Variants in ARNT2 observed in about 807,000 individuals in gnomAD.
ARNT2 encodes ARNT protein 2.
In ARNT2, 36 loss-of-function variants were observed where a neutral mutation model predicts 91.7. That is an observed-to-expected ratio of 0.39 (90% CI 0.30 to 0.52). ARNT2 has a LOEUF of 0.52. Among genes scored for constraint, ARNT2 ranks in the 20% least tolerant of loss-of-function variants. The pLI, the probability that ARNT2 is intolerant of heterozygous loss-of-function variation, is 0.72. For synonymous variants in ARNT2, 365 were observed against 347.1 expected, an observed-to-expected ratio of 1.05 and a Z score of -0.57; for missense variants, 775 against 939.3, an observed-to-expected ratio of 0.83 and a Z score of 2.29.
chr15:80,500,369 T>G (rs1049716177), intron 5 of ARNT2, among the ~76,000 whole-genome samples: 3 of 152,260 alleles, frequency 2.0e-5, no homozygotes, highest in African/African-American at 7.2e-5. Context: ...TTTTTGTTCC[T>G]AATTATTTTC....
chr15:80,591,262 A>G lies in ARNT2; in HGVS notation c.1919-306A>G, dbSNP rs564655017. Among the ~76,000 whole-genome samples the G allele has an allele frequency of 6.6e-6, 1 of 152,298 alleles. No individual in the cohort carries two copies. Among genetic ancestry groups the G allele is most frequent in the East Asian group, 1.9e-4 (1 of 5,184 alleles). ...ATGCCCGCAGGAGGCCTTTGTGCAC[A>G]GTCACCAAGTGCAAGGAGCACTCCA... is the stretch of plus-strand genomic sequence containing the variant. On this transcript the variant is annotated intron_variant, in intron 17 of 18. Transcript: ENST00000303329. The surrounding 1 kb of genome is among the most constrained non-coding windows in gnomAD (Gnocchi z 5.1).
chr15:80,427,135 T>G (rs939589649), intron 1 of ARNT2, among the ~76,000 whole-genome samples: 2 of 152,120 alleles, frequency 1.3e-5, no homozygotes, highest in Non-Finnish European at 2.9e-5. Context: ...GATGATATCG[T>G]AGTGACCCGT....
Position 80,404,485 on chromosome 15 carries a change from G to A in ARNT2, c.-31G>A, listed in dbSNP as rs1307009040. 4.9e-6 allele frequency: 6 copies of A among 1,226,232 alleles called. No individual in the cohort carries two copies. The South Asian group carries it at 8.0e-5, about 16-fold the overall frequency. 76.0% of individuals were successfully genotyped at this position (1,226,232 alleles called of 1,614,324 possible). ...TCCGCGCCGCCCCTCCCGCGCCCCT[G>A]CCAAGCGGGCGCCTATCCTCTCCGA... On this transcript the variant is annotated 5_prime_UTR_variant, in exon 1 of 19. Coordinates refer to ENST00000303329, the MANE Select transcript of ARNT2 (RefSeq NM_014862.4). The surrounding 1 kb of genome is among the most constrained non-coding windows in gnomAD (Gnocchi z 5.5).
chr15:80,497,439 C>T (rs1275113482), intron 5 of ARNT2, among the ~76,000 whole-genome samples: 1 of 152,246 alleles, frequency 6.6e-6, no homozygotes, highest in Non-Finnish European at 1.5e-5. Flanking sequence ...GGCATGGGCA[C>T]CTGACCTGAC....
intron 1 of ARNT2, among the ~76,000 whole-genome samples, chr15:80,418,472 T>C (rs1441837139): frequency 6.6e-6 from 1 of 152,226 alleles, no homozygotes; most frequent in Non-Finnish European, 1.5e-5. Flanking sequence ...ACCATTCTTC[T>C]GTCCTGACTT....
At chr15:80,513,598 G>T (rs1897377520) in intron 6 of ARNT2, among the ~76,000 whole-genome samples, 1 of 151,962 alleles carries the variant, frequency 6.6e-6, no homozygotes, top group South Asian at 2.1e-4. Flanking sequence ...GAAATGATCT[G>T]CAGGACTGAG....
rs58884875 is a variant in ARNT2 at position 80,476,265 on chromosome 15, AAC to A, written c.622+1047_622+1048del. On this transcript the variant is annotated intron_variant, in intron 5 of 18. Transcript: ENST00000303329. ...CCAAATGTGGATGAGTGTGGCTAAT[AAC>A]ACACCGTGGGCCGAGAGAGCTGACT... Among the ~76,000 whole-genome samples the A allele has an allele frequency of 7.2e-3, 1,097 of 152,254 alleles. 16 individuals carry two copies. The highest frequency in any genetic ancestry group is 0.025 in the African/African-American group (1,052 of 41,542).
chr15:80,565,261 C>A lies in ARNT2; in HGVS notation c.1316+2022C>A, dbSNP rs138803901. The stretch of plus-strand genomic sequence containing the variant: ...TATTCAGCCCACCGTTGATGGGCAC[C>A]TGGATTTGTTCCTTGTCTTTCCTAT... On this transcript the variant is annotated intron_variant, in intron 12 of 18. Transcript: ENST00000303329. 1.2e-3 allele frequency among the ~76,000 whole-genome samples: 183 copies of A among 152,292 alleles called. 1 individual carries two copies. The highest frequency in any genetic ancestry group is 4.3e-3 in the African/African-American group (180 of 41,562).
chr15:80,462,947 A>G (rs1052261442), intron 3 of ARNT2, among the ~76,000 whole-genome samples: 2 of 152,006 alleles, frequency 1.3e-5, no homozygotes, highest in Non-Finnish European at 2.9e-5. Flanking sequence ...CCCTGGCTTT[A>G]TAGGTTGTGG....
At chr15:80,412,945 A>C (rs559712919) in intron 1 of ARNT2, among the ~76,000 whole-genome samples, 1 of 152,148 alleles carries the variant, frequency 6.6e-6, no homozygotes, top group South Asian at 2.1e-4. Context: ...TGTGCCCCCT[A>C]TCCTTGGCAG....
chr15:80,512,068 C>T (rs1476351686), intron 6 of ARNT2, among the ~76,000 whole-genome samples: 3 of 152,100 alleles, frequency 2.0e-5, no homozygotes, highest in African/African-American at 4.8e-5. Flanking sequence ...GCGTCCGTTG[C>T]GTACTATGAA....
rs1006896350 is a variant in ARNT2, at chr15:80,467,553, T to C, written c.195-2665T>C. On this transcript the variant is annotated intron_variant, in intron 3 of 18. Coordinates refer to ENST00000303329, the MANE Select transcript of ARNT2 (RefSeq NM_014862.4). ...GGAGGAAAGCCGGTTCTCCAGGGTG[T>C]CTGGCGGGCAAGTGCGGGGCGGTGG... 9.9e-5 allele frequency among the ~76,000 whole-genome samples: 15 copies of C among 152,274 alleles called. 4 individuals are homozygous for C.
chr15:80,475,559 C>CAA (rs35720455), intron 5 of ARNT2: 26 of 91,226 alleles, frequency 2.9e-4, no homozygotes, highest in African/African-American at 3.9e-4. Context: ...GACTCTGTCT[C>CAA]AAAAAAAAAA....
chr15:80,404,496 G>A lies in ARNT2; in HGVS notation c.-20G>A, dbSNP rs771137910. ...CCTCCCGCGCCCCTGCCAAGCGGGC[G>A]CCTATCCTCTCCGAGCAAGATGGCA... On this transcript the variant is annotated 5_prime_UTR_variant, in exon 1 of 19. Coordinates refer to ENST00000303329, the MANE Select transcript of ARNT2 (RefSeq NM_014862.4). This position sits in a 1 kb window ranked among gnomAD's most constrained non-coding sequence, Gnocchi z 5.5. 3 of 1,237,542 alleles carry A rather than the reference G, an allele frequency of 2.4e-6. No individual in the cohort carries two copies. Among genetic ancestry groups the A allele is most frequent in the African/African-American group, 1.6e-5 (1 of 62,112 alleles). The allele number at this position is 1,237,542 out of a possible 1,614,324, so 76.7% of individuals were successfully genotyped here.
chr15:80,516,277 G>A (rs576606368), intron 8 of ARNT2, among the ~76,000 whole-genome samples: 14 of 152,310 alleles, frequency 9.2e-5, no homozygotes, highest in Admixed American at 9.1e-4. Context: ...AGCAATTACT[G>A]AAGGAGAAAT....
chr15:80,419,560 C>T (rs2141560331), intron 1 of ARNT2, among the ~76,000 whole-genome samples: 1 of 152,272 alleles, frequency 6.6e-6, no homozygotes, highest in South Asian at 2.1e-4. Context: ...AGAAATGAAC[C>T]AGAGGTGTTA....
At chr15:80,470,511 C>A in intron 4 of ARNT2, 80 bp downstream of exon 4, 3 of 1,477,956 alleles carry the variant, frequency 2.0e-6, no homozygotes, top group Non-Finnish European at 1.9e-6. Context: ...CGTGGGGAAC[C>A]AGGGCTCAAG....
intron 5 of ARNT2, among the ~76,000 whole-genome samples, chr15:80,478,449 A>G (rs1896839328): frequency 1.3e-5 from 2 of 152,226 alleles, no homozygotes. Context: ...CGGAGTGGAC[A>G]CTGGACTGTG....
intron 3 of ARNT2, among the ~76,000 whole-genome samples, chr15:80,462,724 G>T (rs748153588): frequency 2.6e-5 from 4 of 152,188 alleles, no homozygotes; most frequent in Non-Finnish European, 4.4e-5. Context: ...CCCATTGGCT[G>T]CTCTTTGGTG....
Sources: allele counts gnomAD v4.1 joint callset (sites outside exome capture counted in the v4.1 genomes callset), GRCh38; gene constraint gnomAD v4.1.1; non-coding constraint Gnocchi (gnomAD v3.1); transcripts MANE v1.5; gene names NCBI Gene and HGNC (gene_info 2026-07-23, HGNC 2026-07-21).